FAAP100: variants seen among roughly 807,000 people sequenced by gnomAD.
FAAP100 encodes FA core complex associated protein 100.
A neutral mutation model predicts 65.8 loss-of-function variants in FAAP100; 46 were observed. The observed-to-expected ratio is 0.70, with a 90% CI of 0.55 to 0.89. The LOEUF (loss-of-function observed/expected upper bound fraction) is 0.89, where lower values mean the gene tolerates loss of function less well. Ranked by LOEUF, FAAP100 falls within the 40% of genes least tolerant of loss-of-function variation. The pLI, the probability that FAAP100 is intolerant of heterozygous loss-of-function variation, is 0.00. For synonymous variants in FAAP100, 663 were observed against 555.1 expected (o/e 1.19, Z -2.73); for missense variants, 1,165 against 1,196.7 (o/e 0.97, Z 0.39).
At position 81,545,903 on chromosome 17, in the gene FAAP100, G is replaced by A. The variant is rs112983423; in HGVS notation, c.2174-21C>T. 1.1e-4 allele frequency: 173 copies of A among 1,596,800 alleles called. 1 individual carries two copies. In the African/African-American group the frequency reaches 1.2e-3, roughly 11 times the overall value. On this transcript the variant is annotated intron_variant, in intron 5 of 8. Coordinates refer to ENST00000327787, the MANE Select transcript of FAAP100 (RefSeq NM_025161.6). ...CACGCCTGGAGGGGAGGCATCAGCC[G>A]AGAGCTCAGCCTGATCCTACCAGGT...
At chr17:81,542,525 G>A (rs1490808335) in intron 7 of FAAP100, among the ~76,000 whole-genome samples, 2 of 152,222 alleles carry the variant, frequency 1.3e-5, no homozygotes, top group Non-Finnish European at 2.9e-5. Flanking sequence ...GCTGGTGGCT[G>A]CACTGTGTGC....
At chr17:81,552,493 T>A, upstream of FAAP100, 1 of 600,526 alleles carries the variant, frequency 1.7e-6, no homozygotes, top group Non-Finnish European at 2.4e-6. Context: ...CTCCGGGAGC[T>A]GGGGCGGTCG....
Position 81,547,255 on chromosome 17 carries a change from C to T in FAAP100, c.1827G>A (p.Val609=). 1.3e-6 allele frequency: 2 copies of T among 1,596,318 alleles called. No homozygotes were observed. The highest frequency in any genetic ancestry group is 1.7e-6 in the Non-Finnish European group (2 of 1,168,264). The change falls in exon 5 of 9, where the codon GTG becomes GTA. Residue 609 remains valine, a synonymous_variant. Transcript: ENST00000327787. ...CTGAGGGGGCAAGGGCCCCGCCCAC[C>T]ACCTCCCTGAGACTGTAGAACAGCG... The part of the protein sequence containing the change: ...SCTLFYSLRE[V]VGGALAPSDS...
At position 81,550,907 on chromosome 17, in the gene FAAP100, A is replaced by C; in HGVS notation, c.587T>G (p.Val196Gly). 1 of 1,612,540 alleles carries C rather than the reference A, an allele frequency of 6.2e-7. No homozygotes were observed. The highest frequency in any genetic ancestry group is 8.5e-7 in the Non-Finnish European group (1 of 1,179,846). The change falls in exon 3 of 9, where the codon GTG becomes GGG. Residue 196 changes from valine to glycine, a missense_variant. Physicochemically the swap from Val to Gly is moderately radical, Grantham distance 109. Coordinates refer to ENST00000327787, the MANE Select transcript of FAAP100 (RefSeq NM_025161.6). ...GKPAAPHFLP[V>G]LCSVSPSGSR... is the part of the protein sequence containing the mutation. ...GCCTGATGGTGACACAGAGCACAGC[A>C]CTGGAAGGAAGTGGGGGGCTGCAGG...
intron 5 of FAAP100, 96 bp from the exon 6 acceptor site, chr17:81,545,978 G>T (rs2033285500): frequency 2.8e-6 from 4 of 1,438,246 alleles, no homozygotes; most frequent in African/African-American, 1.4e-5. Context: ...GCCCCAAAGT[G>T]CCCTTCCCAG....
rs1439334637 is a variant in FAAP100, at chr17:81,540,942, C to A, written c.2523G>T (p.Leu841=). ...GGTCGCGCAGGGTCTGCACCTCCCG[C>A]AGCAGTGTCTGCAGGTGAAGCAGAC... ...RQIHANHETL[L]REVQTLRDRL... The change falls in exon 9 of 9, where the codon CTG becomes CTT. Residue 841 remains leucine (L), a synonymous_variant. Transcript: ENST00000327787. 1 of 1,585,564 alleles carries A rather than the reference C, an allele frequency of 6.3e-7. No homozygotes were observed.
chr17:81,550,371 T>G lies in FAAP100; in HGVS notation c.1123A>C (p.Ser375Arg), dbSNP rs751091383. The G allele has an allele frequency of 3.7e-6, 6 of 1,612,616 alleles. No homozygotes were observed. The East Asian group carries it at 1.3e-4, about 36-fold the overall frequency. Residue 375 changes from serine (S) to arginine (R), a missense_variant, in exon 3 of 9, where the codon AGC becomes CGC. Physicochemically the swap from Ser to Arg is moderately radical, Grantham distance 110. Coordinates refer to ENST00000327787, the MANE Select transcript of FAAP100 (RefSeq NM_025161.6). ...DLCVVDLSRG[S>R]TPLGPEQPEE... ...GGCTGCTCAGGGCCCAGCGGGGTGC[T>G]TCCCCGAGACAGATCCACCACACAG...
chr17:81,545,780 G>A lies in FAAP100; in HGVS notation c.2276C>T (p.Pro759Leu), dbSNP rs1333262308. Reference protein sequence around the residue: ...RALSSIQGVAPDGANVHLIVR... With the variant: ...RALSSIQGVALDGANVHLIVR... The stretch of plus-strand genomic sequence containing the variant: ...GATGAGGTGAACGTTGGCGCCATCA[G>A]GGGCCACTCCCTGGATGGAAGATAG... The change falls in exon 6 of 9, where the codon CCT (proline) becomes CTT (leucine). Residue 759 changes from proline to leucine, a missense_variant. Coordinates refer to ENST00000327787, the MANE Select transcript of FAAP100 (RefSeq NM_025161.6). The A allele has an allele frequency of 3.7e-6, 6 of 1,612,322 alleles. No homozygotes were observed. Among genetic ancestry groups the A allele is most frequent in the Admixed American group, 1.7e-5 (1 of 59,980 alleles).
chr17:81,547,562 G>C lies in FAAP100; in HGVS notation c.1520C>G (p.Ser507Cys), dbSNP rs1331336369. ...GCTCCAGGTGGTGCTGGTGGTGCAG[G>C]AGATGGGTCTGGGGCCCGTGCCGCT... ...LSSGTGPRPI[S>C]CTTSTTWSRL... Residue 507 changes from serine to cysteine, a missense_variant, in exon 5 of 9, where the codon TCC (serine) becomes TGC (cysteine). By Grantham distance (112) the Ser-to-Cys change is moderately radical (BLOSUM62 -1). Transcript: ENST00000327787. 6.2e-7 allele frequency: 1 copy of C among 1,613,464 alleles called. No homozygotes were observed. Among genetic ancestry groups the C allele is most frequent in the East Asian group, 2.2e-5 (1 of 44,862 alleles).
rs1458612316 is a variant in FAAP100, at chr17:81,545,820, C to G, written c.2236G>C (p.Val746Leu). 1 of 1,611,896 alleles carries G rather than the reference C, an allele frequency of 6.2e-7. No individual in the cohort carries two copies. The highest frequency in any genetic ancestry group is 2.2e-5 in the East Asian group (1 of 44,876). ...ATGGAAGATAGTGCTCGGGCCCTCA[C>G]GACGTCCACAGCAGCATTCTCAGCA... is the stretch of plus-strand genomic sequence containing the variant. ...LLAENAAVDV[V>L]RARALSSIQG... Residue 746 changes from valine (V) to leucine (L), a missense_variant, in exon 6 of 9, where the codon GTG (valine) becomes CTG (leucine). Coordinates refer to ENST00000327787, the MANE Select transcript of FAAP100 (RefSeq NM_025161.6).
chr17:81,552,331 C>A lies in FAAP100; in HGVS notation c.-1G>T, dbSNP rs2033528218. 2.9e-6 allele frequency: 4 copies of A among 1,376,652 alleles called. No individual in the cohort carries two copies. The South Asian group carries it at 5.0e-5, about 17-fold the overall frequency. The allele number at this position is 1,376,652 out of a possible 1,614,324, so 85.3% of individuals were successfully genotyped here. ...GGACCCGCGGCGCGGCGCCGGCCATCGTGCGCGCGGGCCCGTCAGAGTGAG... is the reference window on the plus strand; with the variant it reads ...GGACCCGCGGCGCGGCGCCGGCCATAGTGCGCGCGGGCCCGTCAGAGTGAG... On this transcript the variant is annotated 5_prime_UTR_variant, in exon 1 of 9. Transcript: ENST00000327787.
rs558091279 is a variant in FAAP100 at position 81,540,171 on chromosome 17, G to A, written c.*648C>T. 2.9e-4 allele frequency: 114 copies of A among 399,010 alleles called. No homozygotes were observed. The highest frequency in any genetic ancestry group is 1.7e-3 in the African/African-American group (83 of 48,758). The allele number at this position is 399,010 out of a possible 1,614,324, so 24.7% of individuals were successfully genotyped here. On this transcript the variant is annotated 3_prime_UTR_variant, in exon 9 of 9. Coordinates refer to ENST00000327787, the MANE Select transcript of FAAP100 (RefSeq NM_025161.6). ...GAGGCACCTAGTTGTTGAGCATTCC[G>A]GCCACAGGCCACCCGCTGGCCCTTC...
Position 81,540,293 on chromosome 17 carries a change from G to A in FAAP100, c.*526C>T. ...AGCACCCTCCTACCTCGGGGTCCCA[G>A]AGTGGGCAGCCGGGCAGGTGTGAAC... On this transcript the variant is annotated 3_prime_UTR_variant, in exon 9 of 9. Transcript: ENST00000327787. The A allele has an allele frequency of 2.5e-6, 1 of 398,960 alleles. No individual in the cohort carries two copies. The highest frequency in any genetic ancestry group is 3.6e-5 in the East Asian group (1 of 28,076). The allele number at this position is 398,960 out of a possible 1,614,324, so 24.7% of individuals were successfully genotyped here.
In FAAP100 at chr17:81,541,412, A is replaced by C; in HGVS notation, c.2428-17T>G. On this transcript the variant is annotated splice_polypyrimidine_tract_variant and intron_variant, in intron 7 of 8. Coordinates refer to ENST00000327787, the MANE Select transcript of FAAP100 (RefSeq NM_025161.6). ...CACCATCGTCTGGGGGACACAGGAG[A>C]CATGCTGGAGAGGGTGTGCCCCAGC... 1 of 1,586,888 alleles carries C rather than the reference A, an allele frequency of 6.3e-7. No individual in the cohort carries two copies.
chr17:81,552,026 C>T lies in FAAP100; in HGVS notation c.192G>A (p.Val64=), dbSNP rs1202889824. The change falls in exon 2 of 9, where the codon GTG becomes GTA. Residue 64 remains valine, a synonymous_variant. Transcript: ENST00000327787. The part of the protein sequence containing the change: ...LTAAFRFPDQ[V]WHLELLAPRR... ...GCGGCGCCAGCAGCTCCAGGTGCCA[C>T]ACCTGGTCGGGGAACCGGAACGCCG... 2 of 1,547,400 alleles carry T rather than the reference C, an allele frequency of 1.3e-6. No homozygotes were observed. Among genetic ancestry groups the T allele is most frequent in the South Asian group, 1.2e-5 (1 of 84,358 alleles).
At chr17:81,549,506 A>G (rs908950298) in intron 3 of FAAP100, 144 bp from the exon 4 acceptor site, 1 of 1,086,066 alleles carries the variant, frequency 9.2e-7, no homozygotes, top group Non-Finnish European at 1.3e-6. Context: ...GTCCCAAGGC[A>G]AATGCACTGT....
chr17:81,543,921 G>C, intron 7 of FAAP100, 83 bp downstream of exon 7: 1 of 1,280,930 alleles, frequency 7.8e-7, no homozygotes, highest in Non-Finnish European at 1.1e-6. Flanking sequence ...CAGACCCCGT[G>C]GCCAGCAGCT....
chr17:81,540,321 T>C lies in FAAP100; in HGVS notation c.*498A>G, dbSNP rs2033036690. On this transcript the variant is annotated 3_prime_UTR_variant, in exon 9 of 9. Transcript: ENST00000327787. ...TGGGCAGCCGGGCAGGTGTGAACAG[T>C]GTGACAAGGGTACCGTGGGGCACCT... is the stretch of plus-strand genomic sequence containing the variant. 4 of 400,162 alleles carry C rather than the reference T, an allele frequency of 1.0e-5. No individual in the cohort carries two copies. Among genetic ancestry groups the C allele is most frequent in the Non-Finnish European group, 1.8e-5 (4 of 226,976 alleles). 24.8% of individuals were successfully genotyped at this position (400,162 alleles called of 1,614,324 possible).
intron 3 of FAAP100, 149 bp downstream of exon 3, chr17:81,550,099 C>G: frequency 1.3e-6 from 1 of 786,454 alleles, no homozygotes; most frequent in Non-Finnish European, 2.0e-6. Context: ...GACCTTGAGA[C>G]AAGAGAGTTA....
Sources: allele counts gnomAD v4.1 joint callset (sites outside exome capture counted in the v4.1 genomes callset), GRCh38; gene constraint gnomAD v4.1.1; transcripts MANE v1.5; gene names NCBI Gene and HGNC (gene_info 2026-07-23, HGNC 2026-07-21).